Variants in CNTNAP2 observed in about 807,000 individuals in gnomAD.
CNTNAP2 encodes the protein contactin associated protein 2.
A neutral mutation model predicts 155.2 loss-of-function variants in CNTNAP2; 98 were observed. The ratio of observed to expected loss-of-function variants is 0.63; its 90% CI spans 0.54 to 0.75. The LOEUF (loss-of-function observed/expected upper bound fraction) is 0.75, where lower values mean the gene tolerates loss of function less well. Ranked by LOEUF, CNTNAP2 falls within the 30% of genes least tolerant of loss-of-function variation. CNTNAP2 has a pLI of 0.00. For missense variants in CNTNAP2, 1,727 were observed against 1,688.1 expected, an observed-to-expected ratio of 1.02 and a Z score of -0.40; for synonymous variants, 651 against 631.2, an observed-to-expected ratio of 1.03 and a Z score of -0.47.
At position 148,415,822 on chromosome 7, in the gene CNTNAP2, T is replaced by TCCCTTC; in HGVS notation, c.*207_*212dup. 1 of 626,132 alleles carries TCCCTTC rather than the reference T, an allele frequency of 1.6e-6. No individual in the cohort carries two copies. The highest frequency in any genetic ancestry group is 2.8e-6 in the Non-Finnish European group (1 of 363,356). The allele number at this position is 626,132 out of a possible 1,614,324, so 38.8% of individuals were successfully genotyped here. On this transcript the variant is annotated 3_prime_UTR_variant, in exon 24 of 24. Transcript: ENST00000361727. ...TTAATATTTCTTTATAGCTGAGTTT[T>TCCCTTC]CCCTTCTGTATCAAAACAAAATAAT...
At chr7:146,801,871 T>C (rs1158174652) in intron 2 of CNTNAP2, among the ~76,000 whole-genome samples, 1 of 152,144 alleles carries the variant, frequency 6.6e-6, no homozygotes, top group Non-Finnish European at 1.5e-5. Flanking sequence ...TGACATAGAT[T>C]CTATGGTTCT....
chr7:147,679,575 C>T (rs547665863), intron 13 of CNTNAP2, among the ~76,000 whole-genome samples: 1 of 151,778 alleles, frequency 6.6e-6, no homozygotes, highest in Non-Finnish European at 1.5e-5. Context: ...TGTTTATTGC[C>T]TGGATAGTTG....
At chr7:146,835,256 T>A (rs921525846) in intron 2 of CNTNAP2, among the ~76,000 whole-genome samples, 1 of 152,192 alleles carries the variant, frequency 6.6e-6, no homozygotes, top group Non-Finnish European at 1.5e-5. Context: ...GAGCATTCAT[T>A]AGCAAAACAG....
chr7:146,830,428 T>C (rs1159425875), intron 2 of CNTNAP2, among the ~76,000 whole-genome samples: 2 of 152,140 alleles, frequency 1.3e-5, no homozygotes, highest in Non-Finnish European at 2.9e-5. Flanking sequence ...TGATAATTCC[T>C]GATACTAGCT....
At chr7:146,300,290 C>T (rs907178947) in intron 1 of CNTNAP2, among the ~76,000 whole-genome samples, 2 of 152,072 alleles carry the variant, frequency 1.3e-5, no homozygotes, top group Non-Finnish European at 2.9e-5. Flanking sequence ...GTGTCCTTAA[C>T]TTAGTATAAA....
intron 3 of CNTNAP2, among the ~76,000 whole-genome samples, chr7:146,918,930 C>T (rs2129219352): frequency 6.6e-6 from 1 of 152,278 alleles, no homozygotes; most frequent in Non-Finnish European, 1.5e-5. Flanking sequence ...AAAGCCTTGT[C>T]TTTGACCTCT....
chr7:146,551,688 G>A (rs1798124773), intron 1 of CNTNAP2, among the ~76,000 whole-genome samples: 1 of 151,998 alleles, frequency 6.6e-6, no homozygotes, highest in African/African-American at 2.4e-5. Context: ...TATAAGTAGT[G>A]TTATTTATTT....
intron 8 of CNTNAP2, among the ~76,000 whole-genome samples, chr7:147,181,792 G>A (rs569270804): frequency 6.6e-6 from 1 of 152,272 alleles, no homozygotes; most frequent in Non-Finnish European, 1.5e-5. Flanking sequence ...CATGTCAAAT[G>A]TAGCTCTTCT....
At chr7:146,830,600 T>C (rs1254671298) in intron 2 of CNTNAP2, among the ~76,000 whole-genome samples, 2 of 152,194 alleles carry the variant, frequency 1.3e-5, no homozygotes, top group Non-Finnish European at 2.9e-5. Flanking sequence ...TACATAATTC[T>C]TTCTAAGCAT....
At chr7:147,925,831 T>G (rs1185401052) in intron 14 of CNTNAP2, among the ~76,000 whole-genome samples, 2 of 152,214 alleles carry the variant, frequency 1.3e-5, no homozygotes, top group Non-Finnish European at 2.9e-5. Context: ...ATAGTTTCAC[T>G]GCTGAAAACT....
At chr7:147,999,609 C>T (rs1042833779) in intron 15 of CNTNAP2, among the ~76,000 whole-genome samples, 15 of 152,012 alleles carry the variant, frequency 9.9e-5, no homozygotes, top group Non-Finnish European at 2.1e-4. Flanking sequence ...TCCCCTCATG[C>T]CTGTGAATAT....
At chr7:146,485,564 T>C (rs982276522) in intron 1 of CNTNAP2, among the ~76,000 whole-genome samples, 5 of 152,208 alleles carry the variant, frequency 3.3e-5, no homozygotes. Context: ...ATGGAATGCT[T>C]ACTTTTTTGA....
At chr7:148,222,319 A>C (rs1012419642) in intron 19 of CNTNAP2, among the ~76,000 whole-genome samples, 1 of 152,218 alleles carries the variant, frequency 6.6e-6, no homozygotes, top group Non-Finnish European at 1.5e-5. Flanking sequence ...TCTGAGGCCA[A>C]AGGGCCAAAC....
chr7:147,440,986 A>G lies in CNTNAP2; in HGVS notation c.1671-44949A>G, dbSNP rs533287046. ...GCTTGTTGTTCGATAATCTTCTTGT[A>G]CTTGGATATTAATATCTTTCTTTAG... On this transcript the variant is annotated intron_variant, in intron 10 of 23. Transcript: ENST00000361727. Among the ~76,000 whole-genome samples, 3 of 152,116 alleles carry G rather than the reference A, an allele frequency of 2.0e-5. No individual in the cohort carries two copies. In the East Asian group the frequency reaches 5.8e-4, roughly 29 times the overall value.
At chr7:147,347,477 CATAT>C (rs376714937) in intron 9 of CNTNAP2, among the ~76,000 whole-genome samples, 1 of 30,172 alleles carries the variant, frequency 3.3e-5, no homozygotes, top group African/African-American at 8.0e-5. Flanking sequence ...TATATATATG[CATAT>C]ATATATATAT....
rs551440603 is a variant in CNTNAP2 at position 147,554,209 on chromosome 7, T to G, written c.1778-7929T>G. 2.0e-5 allele frequency among the ~76,000 whole-genome samples: 3 copies of G among 152,094 alleles called. No homozygotes were observed. The East Asian group carries it at 5.8e-4, about 30-fold the overall frequency. On this transcript the variant is annotated intron_variant, in intron 11 of 23. Transcript: ENST00000361727. ...AACCCTGAATAAAATACAAGTAGAGTTGTTTAGGTTTAGTCATGTAATACA... is the reference window on the plus strand; with the variant it reads ...AACCCTGAATAAAATACAAGTAGAGGTGTTTAGGTTTAGTCATGTAATACA...
At chr7:146,350,239 C>T (rs190162469) in intron 1 of CNTNAP2, among the ~76,000 whole-genome samples, 114 of 152,170 alleles carry the variant, frequency 7.5e-4, no homozygotes, top group African/African-American at 2.7e-3. Context: ...TCACTGATAC[C>T]CTTTCTTCCA....
chr7:147,175,792 C>T (rs966385188), intron 8 of CNTNAP2, among the ~76,000 whole-genome samples: 2 of 152,146 alleles, frequency 1.3e-5, no homozygotes, highest in East Asian at 1.9e-4. Flanking sequence ...TCATGGTTCT[C>T]AGCAGATCCA....
intron 4 of CNTNAP2, among the ~76,000 whole-genome samples, chr7:147,058,889 G>C (rs1799611878): frequency 6.6e-6 from 1 of 152,226 alleles, no homozygotes; most frequent in African/African-American, 2.4e-5. Context: ...ACAGGCATGA[G>C]CCACCATTCC....
Sources: gnomAD v4.1 joint callset for allele counts (sites outside exome capture counted in the v4.1 genomes callset) on GRCh38, gnomAD v4.1.1 for gene constraint, MANE v1.5 for transcripts, NCBI Gene and HGNC (gene_info 2026-07-23, HGNC 2026-07-21) for gene names.